The following SMOC2 variants were observed in gnomAD, a reference collection of about 807,000 sequenced individuals.
SMOC2 encodes the protein SPARC related modular calcium binding 2, also known as SPARC-related modular calcium-binding protein 2.
Under a neutral mutation model 61.4 loss-of-function variants are expected in SMOC2, and 39 were observed. That is an observed-to-expected ratio of 0.64 (90% CI 0.49 to 0.83). The LOEUF (loss-of-function observed/expected upper bound fraction) is 0.83, where lower values mean the gene tolerates loss of function less well. Among genes scored for constraint, SMOC2 ranks in the 40% least tolerant of loss-of-function variants. SMOC2 has a pLI of 0.00. For missense variants in SMOC2, 556 were observed against 592.9 expected, an observed-to-expected ratio of 0.94 and a Z score of 0.65; for synonymous variants, 247 against 239.9, an observed-to-expected ratio of 1.03 and a Z score of -0.27.
chr6:168,613,419 C>T (rs1017310530), intron 9 of SMOC2, among the ~76,000 whole-genome samples: 6 of 152,156 alleles, frequency 3.9e-5, no homozygotes, highest in African/African-American at 1.4e-4. Flanking sequence ...TCTGTTACTG[C>T]CCTGTACCCC....
chr6:168,479,891 CT>C (rs1344917949), intron 1 of SMOC2, among the ~76,000 whole-genome samples: 3 of 152,122 alleles, frequency 2.0e-5, no homozygotes, highest in Non-Finnish European at 4.4e-5. Context: ...ACCCAAAACC[CT>C]TTATTTTACT....
At chr6:168,527,398 C>A (rs1783479903) in intron 3 of SMOC2, among the ~76,000 whole-genome samples, 1 of 152,204 alleles carries the variant, frequency 6.6e-6, no homozygotes, top group Non-Finnish European at 1.5e-5. Context: ...GTGTCCAGCC[C>A]ACACTAGCAG....
intron 4 of SMOC2, among the ~76,000 whole-genome samples, chr6:168,536,142 C>G (rs1009875915): frequency 6.6e-6 from 1 of 152,192 alleles, no homozygotes; most frequent in East Asian, 1.9e-4. Flanking sequence ...CGCTGGTGCT[C>G]GTGGCTGGCC....
At position 168,553,480 on chromosome 6, in the gene SMOC2, T is replaced by C. The variant is rs888115184; in HGVS notation, c.637+4277T>C. On this transcript the variant is annotated intron_variant, in intron 7 of 12. Coordinates refer to ENST00000356284, the MANE Select transcript of SMOC2 (RefSeq NM_001166412.2). The surrounding 1 kb of genome is among the most constrained non-coding windows in gnomAD (Gnocchi z 4.2). Reference sequence around the variant, plus strand: ...TACTCTTCCCTACTGGCATATTAAGTACTTTCTAGATTTCTGCCTGATTTC... The same window carrying C: ...TACTCTTCCCTACTGGCATATTAAGCACTTTCTAGATTTCTGCCTGATTTC... Among the ~76,000 whole-genome samples, 1 of 152,248 alleles carries C rather than the reference T, an allele frequency of 6.6e-6. No individual in the cohort carries two copies. The highest frequency in any genetic ancestry group is 1.9e-4 in the East Asian group (1 of 5,204).
At chr6:168,628,992 C>T (rs1037852548) in intron 9 of SMOC2, among the ~76,000 whole-genome samples, 13 of 152,224 alleles carry the variant, frequency 8.5e-5, no homozygotes, top group African/African-American at 2.7e-4. Context: ...TTCCACCCTC[C>T]GCGTTGGCTG....
At chr6:168,563,881 C>T (rs1784482884) in intron 7 of SMOC2, among the ~76,000 whole-genome samples, 1 of 152,066 alleles carries the variant, frequency 6.6e-6, no homozygotes, top group Non-Finnish European at 1.5e-5. Flanking sequence ...GTAGAGCAAG[C>T]AGAGCTCTGC....
At chr6:168,464,492 A>G (rs934980819) in intron 1 of SMOC2, among the ~76,000 whole-genome samples, 2 of 151,998 alleles carry the variant, frequency 1.3e-5, no homozygotes, top group African/African-American at 2.4e-5. Flanking sequence ...TTCTCCAATA[A>G]GAAAAAAACA....
chr6:168,559,176 C>T (rs953564826), intron 7 of SMOC2, among the ~76,000 whole-genome samples: 15 of 152,158 alleles, frequency 9.9e-5, no homozygotes, highest in African/African-American at 3.6e-4. Context: ...TAATTTAGGG[C>T]CAGGTGTGGT....
rs1784018235 is a variant in SMOC2 at position 168,546,938 on chromosome 6, A to T, written c.512-181A>T. 3 of 732,138 alleles carry T rather than the reference A, an allele frequency of 4.1e-6. No homozygotes were observed. The Admixed American group carries it at 5.4e-5, about 13-fold the overall frequency. The allele number at this position is 732,138 out of a possible 1,614,324, so 45.4% of individuals were successfully genotyped here. ...CATTTTAAGTAGCGGCTCACTCAAGACTGGTATAGTCATTCCAGCCGCAGC... is the reference window on the plus strand; with the variant it reads ...CATTTTAAGTAGCGGCTCACTCAAGTCTGGTATAGTCATTCCAGCCGCAGC... On this transcript the variant is annotated intron_variant, in intron 5 of 12. Coordinates refer to ENST00000356284, the MANE Select transcript of SMOC2 (RefSeq NM_001166412.2).
At chr6:168,531,378 C>G (rs1396429838) in intron 4 of SMOC2, among the ~76,000 whole-genome samples, 1 of 152,204 alleles carries the variant, frequency 6.6e-6, no homozygotes, top group Non-Finnish European at 1.5e-5. Flanking sequence ...TTAAAACGTG[C>G]AACGCCACTG....
intron 2 of SMOC2, among the ~76,000 whole-genome samples, chr6:168,523,933 T>C (rs1783395876): frequency 6.6e-6 from 1 of 152,234 alleles, no homozygotes; most frequent in African/African-American, 2.4e-5. Flanking sequence ...TCCTATTCCA[T>C]TCTTTCAAAG....
rs758386557 is a variant in SMOC2, at chr6:168,548,351, C to CTTT, written c.563-762_563-760dup. On this transcript the variant is annotated intron_variant, in intron 6 of 12. Coordinates refer to ENST00000356284, the MANE Select transcript of SMOC2 (RefSeq NM_001166412.2). The stretch of plus-strand genomic sequence containing the variant: ...ACTAACGGTGACCTGCACTACATTC[C>CTTT]TTTTTTTTTTTTTTTTTTGTGAGAC... 9.1e-4 allele frequency among the ~76,000 whole-genome samples: 116 copies of CTTT among 127,160 alleles called. 2 individuals are homozygous for CTTT. The highest frequency in any genetic ancestry group is 4.6e-3 in the Middle Eastern group (1 of 218). The allele number at this position is 127,160 out of a possible 152,430, so 83.4% of individuals were successfully genotyped here. A position where few individuals can be genotyped will look rare whatever the true frequency, so the allele number is the denominator to read the frequency against.
At chr6:168,562,885 A>T (rs986483047) in intron 7 of SMOC2, among the ~76,000 whole-genome samples, 4 of 152,148 alleles carry the variant, frequency 2.6e-5, no homozygotes, top group Admixed American at 1.3e-4. Flanking sequence ...GAGGGGGTAG[A>T]TCATCAGAAG....
chr6:168,662,253 G>A (rs895259134), intron 11 of SMOC2, among the ~76,000 whole-genome samples: 3 of 152,306 alleles, frequency 2.0e-5, no homozygotes, highest in African/African-American at 7.2e-5. Flanking sequence ...GTGTGGAAGC[G>A]AGTCATCAGA....
intron 9 of SMOC2, among the ~76,000 whole-genome samples, chr6:168,611,182 G>A (rs1442163823): frequency 6.6e-6 from 1 of 152,042 alleles, no homozygotes. Context: ...GGGCCGTGGT[G>A]TGTCTGTTGG....
chr6:168,486,442 GAAAT>G (rs1392453034), intron 1 of SMOC2, among the ~76,000 whole-genome samples: 2 of 152,002 alleles, frequency 1.3e-5, no homozygotes, highest in African/African-American at 4.8e-5. Flanking sequence ...AGAGAAAAAA[GAAAT>G]AAAATCATGA....
chr6:168,603,994 T>A (rs958462115), intron 8 of SMOC2, among the ~76,000 whole-genome samples: 2 of 152,214 alleles, frequency 1.3e-5, no homozygotes, highest in African/African-American at 2.4e-5. Context: ...TGACCAGAGA[T>A]GGCATGATCT....
At chr6:168,496,431 T>C (rs780043859) in intron 1 of SMOC2, among the ~76,000 whole-genome samples, 4 of 152,238 alleles carry the variant, frequency 2.6e-5, no homozygotes, top group Non-Finnish European at 5.9e-5. Flanking sequence ...CTTCAGATTT[T>C]ACTTCATTTT....
chr6:168,444,733 G>C (rs1006353872), intron 1 of SMOC2, among the ~76,000 whole-genome samples: 1 of 152,134 alleles, frequency 6.6e-6, no homozygotes, highest in African/African-American at 2.4e-5. Flanking sequence ...AGTATAAATG[G>C]TTTTTATTAC....
Sources: allele counts gnomAD v4.1 joint callset (sites outside exome capture counted in the v4.1 genomes callset), GRCh38; gene constraint gnomAD v4.1.1; non-coding constraint Gnocchi (gnomAD v3.1); transcripts MANE v1.5; gene names NCBI Gene and HGNC (gene_info 2026-07-23, HGNC 2026-07-21).